Variants in CACNG3 observed in about 807,000 individuals in gnomAD.
CACNG3 encodes calcium voltage-gated channel auxiliary subunit gamma 3, also known as voltage-dependent calcium channel gamma-3 subunit.
CACNG3 carries 3 observed loss-of-function variants against 28.5 expected under a neutral mutation model. The ratio of observed to expected loss-of-function variants is 0.11; its 90% CI spans 0.05 to 0.27. The LOEUF (loss-of-function observed/expected upper bound fraction) is 0.27, where lower values mean the gene tolerates loss of function less well. Among genes scored for constraint, CACNG3 ranks in the 10% least tolerant of loss-of-function variants. CACNG3 has a pLI of 1.00. For missense variants in CACNG3, 236 were observed against 414.4 expected (o/e 0.57, Z 3.74); for synonymous variants, 174 against 162.2 (o/e 1.07, Z -0.55).
chr16:24,319,841 G>T (rs1443523467), intron 1 of CACNG3, among the ~76,000 whole-genome samples: 1 of 152,124 alleles, frequency 6.6e-6, no homozygotes, highest in African/African-American at 2.4e-5. Flanking sequence ...CACAATCTCT[G>T]CTCACTACAA....
chr16:24,285,845 CTTTTTTT>C (rs11406086), intron 1 of CACNG3, among the ~76,000 whole-genome samples: 1 of 131,636 alleles, frequency 7.6e-6, no homozygotes, highest in African/African-American at 2.8e-5. Flanking sequence ...TCTTTCTTTT[CTTTTTTT>C]TTTTTTTTTG....
intron 1 of CACNG3, among the ~76,000 whole-genome samples, chr16:24,344,059 G>A (rs1008692795): frequency 1.3e-5 from 2 of 151,888 alleles, no homozygotes; most frequent in East Asian, 1.9e-4. Flanking sequence ...CAGTCTGGGC[G>A]AGATTCCGTC....
At chr16:24,345,253 C>T (rs767273797) in intron 1 of CACNG3, among the ~76,000 whole-genome samples, 4 of 152,184 alleles carry the variant, frequency 2.6e-5, no homozygotes, top group African/African-American at 7.2e-5. Flanking sequence ...TGCCCGCCCC[C>T]CTGATTCCAC....
At chr16:24,278,869 G>A (rs1898784757) in intron 1 of CACNG3, among the ~76,000 whole-genome samples, 1 of 152,130 alleles carries the variant, frequency 6.6e-6, no homozygotes, top group Non-Finnish European at 1.5e-5. Flanking sequence ...TATCTACCAA[G>A]CTGACTCCTT....
intron 1 of CACNG3, among the ~76,000 whole-genome samples, chr16:24,319,168 G>A (rs1899424349): frequency 6.6e-6 from 1 of 152,088 alleles, no homozygotes; most frequent in South Asian, 2.1e-4. Context: ...ATGACAGAGA[G>A]GAAAATGCTT....
At chr16:24,282,313 G>C (rs995326597) in intron 1 of CACNG3, among the ~76,000 whole-genome samples, 1 of 152,108 alleles carries the variant, frequency 6.6e-6, no homozygotes, top group African/African-American at 2.4e-5. Flanking sequence ...GGAAACGTTT[G>C]GGAGGCCACA....
intron 1 of CACNG3, among the ~76,000 whole-genome samples, chr16:24,314,359 C>T (rs547776261): frequency 2.6e-5 from 4 of 152,322 alleles, no homozygotes; most frequent in Admixed American, 1.3e-4. Context: ...GAAGTCGCAG[C>T]TTCTTATGCA....
intron 1 of CACNG3, among the ~76,000 whole-genome samples, chr16:24,339,531 G>A (rs1011899997): frequency 6.6e-6 from 1 of 151,932 alleles, no homozygotes. Context: ...GACTATAGGT[G>A]CCCGCCACCA....
At chr16:24,307,956 C>T (rs1246183797) in intron 1 of CACNG3, among the ~76,000 whole-genome samples, 1 of 152,136 alleles carries the variant, frequency 6.6e-6, no homozygotes, top group Non-Finnish European at 1.5e-5. Context: ...CAGCCCAGGG[C>T]TTGCAATAGA....
intron 3 of CACNG3, among the ~76,000 whole-genome samples, chr16:24,359,668 A>T (rs1273770736): frequency 6.6e-6 from 1 of 151,760 alleles, no homozygotes; most frequent in Non-Finnish European, 1.5e-5. Context: ...TCAAAACCAG[A>T]CTGGGCAACA....
chr16:24,350,191 C>T (rs1324407357), intron 2 of CACNG3, among the ~76,000 whole-genome samples: 1 of 152,238 alleles, frequency 6.6e-6, no homozygotes, highest in Non-Finnish European at 1.5e-5. Context: ...TTGACAGAAT[C>T]TGCTTGTATC....
At chr16:24,319,160 G>C (rs555360001) in intron 1 of CACNG3, among the ~76,000 whole-genome samples, 1 of 152,318 alleles carries the variant, frequency 6.6e-6, no homozygotes, top group Admixed American at 6.5e-5. Context: ...CAACCTAAAT[G>C]ACAGAGAGGA....
chr16:24,358,907 C>T (rs1900070229), intron 3 of CACNG3, among the ~76,000 whole-genome samples: 1 of 152,150 alleles, frequency 6.6e-6, no homozygotes, highest in Non-Finnish European at 1.5e-5. Flanking sequence ...AGTGGGCCTG[C>T]TGCAATGATT....
At chr16:24,294,910 A>G (rs1327818086) in intron 1 of CACNG3, among the ~76,000 whole-genome samples, 1 of 152,208 alleles carries the variant, frequency 6.6e-6, no homozygotes. Flanking sequence ...ATGATATTGC[A>G]TTTCATTCAT....
At chr16:24,315,965 CTTAA>C (rs1430279851) in intron 1 of CACNG3, among the ~76,000 whole-genome samples, 3 of 152,082 alleles carry the variant, frequency 2.0e-5, no homozygotes, top group African/African-American at 7.2e-5. Context: ...GGCCCATCAT[CTTAA>C]TTAATAACAC....
At chr16:24,317,649 AAAG>A (rs1180523206) in intron 1 of CACNG3, among the ~76,000 whole-genome samples, 4 of 11,460 alleles carry the variant, frequency 3.5e-4, no homozygotes, top group African/African-American at 9.6e-4. Flanking sequence ...AAAGAAAAGA[AAAG>A]AAAGAAAGAA....
intron 1 of CACNG3, among the ~76,000 whole-genome samples, chr16:24,289,410 G>A (rs1462373748): frequency 1.3e-5 from 2 of 152,150 alleles, no homozygotes; most frequent in Non-Finnish European, 2.9e-5. Context: ...GCATTTTGTA[G>A]GCTTTTATAA....
rs78887069 is a variant in CACNG3, at chr16:24,334,700, C to T, written c.212-12034C>T. On this transcript the variant is annotated intron_variant, in intron 1 of 3. Coordinates refer to ENST00000005284, the MANE Select transcript of CACNG3 (RefSeq NM_006539.4). ...GATCCAGTATTTCTTGACTTGAAGTCAGATCCACTAAATTCAGAGCTGTCT... is the reference window on the plus strand; with the variant it reads ...GATCCAGTATTTCTTGACTTGAAGTTAGATCCACTAAATTCAGAGCTGTCT... 3.3e-4 allele frequency among the ~76,000 whole-genome samples: 50 copies of T among 152,350 alleles called. No homozygotes were observed. The East Asian group carries it at 9.3e-3, about 28-fold the overall frequency.
chr16:24,266,150 A>C (rs985592937), intron 1 of CACNG3, among the ~76,000 whole-genome samples: 5 of 152,172 alleles, frequency 3.3e-5, no homozygotes, highest in African/African-American at 1.2e-4. Context: ...GGGAACAGTA[A>C]CTGCTAGGGC....
Sources: gnomAD v4.1 joint callset for allele counts (sites outside exome capture counted in the v4.1 genomes callset) on GRCh38, gnomAD v4.1.1 for gene constraint, MANE v1.5 for transcripts, NCBI Gene and HGNC (gene_info 2026-07-23, HGNC 2026-07-21) for gene names.